Variants in GABRA4 observed in about 807,000 individuals in gnomAD.
The protein encoded by GABRA4 is gamma-aminobutyric acid receptor subunit alpha-4.
In GABRA4, 12 loss-of-function variants were observed where a neutral mutation model predicts 49.7. The ratio of observed to expected loss-of-function variants is 0.24; its 90% CI spans 0.15 to 0.39. GABRA4 has a LOEUF of 0.39. Ranked by LOEUF, GABRA4 falls within the 10% of genes least tolerant of loss-of-function variation. The probability of loss-of-function intolerance (pLI) is 1.00; values close to 1 mark genes in which losing one functional copy is unlikely to be tolerated. For missense variants in GABRA4, 506 were observed against 686.0 expected (o/e 0.74, Z 2.93); for synonymous variants, 288 against 240.2 (o/e 1.20, Z -1.84).
chr4:46,941,223 C>T (rs75936741), intron 8 of GABRA4, among the ~76,000 whole-genome samples: 1 of 151,768 alleles, frequency 6.6e-6, no homozygotes, highest in Non-Finnish European at 1.5e-5. Context: ...AATCTTAAAA[C>T]CAAAACTATG....
chr4:46,951,394 G>A (rs537203408), intron 8 of GABRA4, among the ~76,000 whole-genome samples: 2 of 151,618 alleles, frequency 1.3e-5, no homozygotes, highest in Non-Finnish European at 2.9e-5. Flanking sequence ...TGGGTGCCAG[G>A]CCACTAAATA....
intron 8 of GABRA4, among the ~76,000 whole-genome samples, chr4:46,961,832 T>A (rs1282037019): frequency 6.6e-6 from 1 of 151,512 alleles, no homozygotes; most frequent in Non-Finnish European, 1.5e-5. Context: ...AGGTGAGTAG[T>A]GGAGGAAGAA....
intron 8 of GABRA4, among the ~76,000 whole-genome samples, chr4:46,941,697 CT>C (rs1394009718): frequency 1.3e-5 from 2 of 152,010 alleles, no homozygotes; most frequent in African/African-American, 4.8e-5. Flanking sequence ...GTATGAGAGC[CT>C]GTATTTTGTG....
intron 8 of GABRA4, among the ~76,000 whole-genome samples, chr4:46,935,391 C>T (rs140932858): frequency 6.6e-6 from 1 of 152,240 alleles, no homozygotes; most frequent in East Asian, 1.9e-4. Flanking sequence ...ATGTCTAGCA[C>T]ATAGTAGGAT....
At chr4:46,954,511 C>A (rs893810177) in intron 8 of GABRA4, among the ~76,000 whole-genome samples, 1 of 149,246 alleles carries the variant, frequency 6.7e-6, no homozygotes, top group East Asian at 2.0e-4. Flanking sequence ...GAGCCAAAAT[C>A]GTGCCATTGC....
At chr4:46,942,965 T>C (rs1273377483) in intron 8 of GABRA4, among the ~76,000 whole-genome samples, 1 of 152,134 alleles carries the variant, frequency 6.6e-6, no homozygotes, top group East Asian at 1.9e-4. Context: ...CAAGACATCA[T>C]TTAGATATCC....
intron 8 of GABRA4, among the ~76,000 whole-genome samples, chr4:46,963,655 A>G (rs1722653989): frequency 6.6e-6 from 1 of 151,868 alleles, no homozygotes; most frequent in African/African-American, 2.4e-5. Context: ...AATACAGCAG[A>G]CATTTCTCAA....
Position 46,924,205 on chromosome 4 carries a change from T to G in GABRA4, c.*4020A>C, listed in dbSNP as rs1560457203. 1 of 152,128 alleles carries G rather than the reference T, an allele frequency of 6.6e-6. No individual in the cohort carries two copies. The highest frequency in any genetic ancestry group is 6.6e-5 in the Admixed American group (1 of 15,246). 9.4% of individuals were successfully genotyped at this position (152,128 alleles called of 1,614,324 possible). ...TTGGAGCCTGAGGCAGAAGAAAATA[T>G]TATTACTACTGATTCTATTAATTTA... On this transcript the variant is annotated 3_prime_UTR_variant, in exon 9 of 9. Coordinates refer to ENST00000264318, the MANE Select transcript of GABRA4 (RefSeq NM_000809.4).
intron 7 of GABRA4, among the ~76,000 whole-genome samples, chr4:46,967,123 G>A (rs184679822): frequency 1.9e-3 from 283 of 151,654 alleles, no homozygotes; most frequent in African/African-American, 6.5e-3. Flanking sequence ...ATTTAATGGG[G>A]TATTAAGAAT....
chr4:46,959,483 C>T (rs1436271279), intron 8 of GABRA4, among the ~76,000 whole-genome samples: 2 of 151,740 alleles, frequency 1.3e-5, no homozygotes, highest in African/African-American at 4.8e-5. Context: ...TCTTCTTGAC[C>T]TTGGATGTGC....
At chr4:46,971,813 G>C (rs995784609) in intron 6 of GABRA4, among the ~76,000 whole-genome samples, 1 of 150,670 alleles carries the variant, frequency 6.6e-6, no homozygotes, top group Non-Finnish European at 1.5e-5. Flanking sequence ...ATTTCTAAAT[G>C]TTCTTTATAT....
intron 8 of GABRA4, among the ~76,000 whole-genome samples, chr4:46,962,566 C>T (rs1306604976): frequency 1.3e-5 from 2 of 151,810 alleles, no homozygotes; most frequent in Non-Finnish European, 2.9e-5. Context: ...CAATCACTAT[C>T]AAAATACCAA....
chr4:46,945,068 G>A (rs1053127987), intron 8 of GABRA4, among the ~76,000 whole-genome samples: 1 of 152,154 alleles, frequency 6.6e-6, no homozygotes, highest in Non-Finnish European at 1.5e-5. Context: ...TGTTTAGGAA[G>A]TAAGTAGTTG....
intron 2 of GABRA4, among the ~76,000 whole-genome samples, chr4:46,991,650 T>A (rs543097328): frequency 6.6e-6 from 1 of 152,320 alleles, no homozygotes; most frequent in Admixed American, 6.5e-5. Context: ...TCTGCACGGC[T>A]TTGTCTTTTA....
At chr4:46,938,758 A>C (rs865824488) in intron 8 of GABRA4, among the ~76,000 whole-genome samples, 5 of 152,210 alleles carry the variant, frequency 3.3e-5, no homozygotes, top group South Asian at 2.1e-4. Context: ...ATCCAGGTCA[A>C]GTGGGTACTA....
chr4:46,992,732 G>T (rs1486753902), intron 2 of GABRA4, 96 bp downstream of exon 2: 30 of 890,704 alleles, frequency 3.4e-5, no homozygotes, highest in Non-Finnish European at 5.5e-5. Context: ...ATTTTTGCAC[G>T]TGAGGCATAC....
At chr4:46,952,495 C>T (rs1457467827) in intron 8 of GABRA4, among the ~76,000 whole-genome samples, 1 of 152,084 alleles carries the variant, frequency 6.6e-6, no homozygotes, top group Non-Finnish European at 1.5e-5. Flanking sequence ...ATAATATCCT[C>T]TAATTCATTT....
At chr4:46,987,851 T>C (rs377670134) in intron 2 of GABRA4, among the ~76,000 whole-genome samples, 5 of 152,230 alleles carry the variant, frequency 3.3e-5, no homozygotes, top group African/African-American at 1.2e-4. Context: ...ACTCAAACCA[T>C]GTCATTCCCT....
intron 5 of GABRA4, among the ~76,000 whole-genome samples, chr4:46,976,422 T>G (rs1217936905): frequency 2.0e-5 from 3 of 151,104 alleles, no homozygotes; most frequent in African/African-American, 7.3e-5. Flanking sequence ...TACACTGTTT[T>G]GTCAAACCTT....
Sources: allele counts gnomAD v4.1 joint callset (sites outside exome capture counted in the v4.1 genomes callset), GRCh38; gene constraint gnomAD v4.1.1; transcripts MANE v1.5; gene names NCBI Gene and HGNC (gene_info 2026-07-23, HGNC 2026-07-21).